The following A1CF variants were observed in gnomAD, a reference collection of about 807,000 sequenced individuals.
The protein encoded by A1CF is APOBEC1 complementation factor, also known as APOBEC-1 stimulating protein.
Under a neutral mutation model 68.9 loss-of-function variants are expected in A1CF, and 48 were observed. The ratio of observed to expected loss-of-function variants is 0.70; its 90% CI spans 0.55 to 0.89. The LOEUF (loss-of-function observed/expected upper bound fraction) is 0.89. Among genes scored for constraint, A1CF ranks in the 40% least tolerant of loss-of-function variants. The pLI is 0.00. For synonymous variants in A1CF, 272 were observed against 260.4 expected (o/e 1.04, Z -0.43); for missense variants, 653 against 718.9 (o/e 0.91, Z 1.05).
At chr10:50,819,566 G>C (rs151140916) in intron 8 of A1CF, among the ~76,000 whole-genome samples, 1 of 151,996 alleles carries the variant, frequency 6.6e-6, no homozygotes, top group African/African-American at 2.4e-5. Context: ...GTCCCCACTC[G>C]CACTTTTGTA....
At chr10:50,843,029 G>C (rs567018987) in intron 4 of A1CF, among the ~76,000 whole-genome samples, 14 of 152,284 alleles carry the variant, frequency 9.2e-5, no homozygotes, top group African/African-American at 2.9e-4. Flanking sequence ...CTTTAAGAAG[G>C]GTTGCCCAAA....
intron 1 of A1CF, among the ~76,000 whole-genome samples, chr10:50,875,485 A>C (rs905584235): frequency 1.6e-4 from 25 of 152,342 alleles, no homozygotes; most frequent in African/African-American, 6.0e-4. Flanking sequence ...AGGAGAAAGG[A>C]GCAGATGTAG....
At chr10:50,876,660 C>A (rs1240335078) in intron 1 of A1CF, among the ~76,000 whole-genome samples, 1 of 152,144 alleles carries the variant, frequency 6.6e-6, no homozygotes, top group Non-Finnish European at 1.5e-5. Flanking sequence ...GGAACTTACA[C>A]TATTGCTTTT....
In A1CF at chr10:50,809,252, G is replaced by A. The variant is rs78955301; in HGVS notation, c.1609+642C>T. Among the ~76,000 whole-genome samples, 647 of 152,278 alleles carry A rather than the reference G, an allele frequency of 4.2e-3. 1 individual carries two copies. Among genetic ancestry groups the A allele is most frequent in the Non-Finnish European group, 7.8e-3 (534 of 68,028 alleles). On this transcript the variant is annotated intron_variant, in intron 12 of 12. Coordinates refer to ENST00000373997, the MANE Select transcript of A1CF (RefSeq NM_014576.4). Reference sequence around the variant, plus strand: ...ACCAAAATTATAGAACAAATAAATTGAGTTGAGTCCTGATTATTCACATAT... The same window carrying A: ...ACCAAAATTATAGAACAAATAAATTAAGTTGAGTCCTGATTATTCACATAT...
intron 1 of A1CF, among the ~76,000 whole-genome samples, chr10:50,873,229 T>A (rs1338888040): frequency 6.6e-6 from 1 of 152,182 alleles, no homozygotes; most frequent in Non-Finnish European, 1.5e-5. Context: ...ATGCTGGGAT[T>A]ATAGGTGTGA....
At chr10:50,833,172 A>G (rs746238422) in intron 6 of A1CF, among the ~76,000 whole-genome samples, 3 of 152,198 alleles carry the variant, frequency 2.0e-5, no homozygotes, top group Non-Finnish European at 4.4e-5. Context: ...GGTAATTCCA[A>G]TGTGCAGCCT....
At chr10:50,816,427 G>T in intron 8 of A1CF, 148 bp from the exon 9 acceptor site, 3 of 961,040 alleles carry the variant, frequency 3.1e-6, no homozygotes, top group Middle Eastern at 3.3e-4. Flanking sequence ...GGTTTGTTTT[G>T]TATGCCAGTT....
intron 10 of A1CF, among the ~76,000 whole-genome samples, chr10:50,813,525 A>G (rs1021495629): frequency 1.3e-5 from 2 of 152,204 alleles, no homozygotes; most frequent in African/African-American, 4.8e-5. Context: ...TGGCTCACAT[A>G]CAATAGGCAT....
intron 1 of A1CF, among the ~76,000 whole-genome samples, chr10:50,882,845 G>A (rs1277829537): frequency 6.6e-6 from 1 of 152,132 alleles, no homozygotes; most frequent in African/African-American, 2.4e-5. Flanking sequence ...CTTTCTAAGG[G>A]ATGACAATTT....
chr10:50,826,664 C>T (rs567229991), intron 7 of A1CF, among the ~76,000 whole-genome samples: 15 of 152,216 alleles, frequency 9.9e-5, no homozygotes, highest in East Asian at 1.9e-4. Flanking sequence ...CCAGTACCAG[C>T]GACTGCAAAA....
At chr10:50,826,533 G>C (rs147421994) in intron 7 of A1CF, among the ~76,000 whole-genome samples, 2,457 of 152,190 alleles carry the variant, frequency 0.016, 69 homozygotes, top group African/African-American at 0.055. Flanking sequence ...GCCAAACTAA[G>C]CTTCATAAGC....
intron 1 of A1CF, among the ~76,000 whole-genome samples, chr10:50,873,237 T>G (rs1335062414): frequency 6.6e-6 from 1 of 152,154 alleles, no homozygotes; most frequent in Admixed American, 6.5e-5. Context: ...ATTATAGGTG[T>G]GAGCCACCTC....
chr10:50,826,812 G>C (rs1172619382), intron 7 of A1CF, among the ~76,000 whole-genome samples: 1 of 152,140 alleles, frequency 6.6e-6, no homozygotes, highest in Non-Finnish European at 1.5e-5. Flanking sequence ...TGGGCTAAAT[G>C]CTCCAATTAA....
chr10:50,851,883 T>C (rs922695528), intron 3 of A1CF, among the ~76,000 whole-genome samples: 1 of 152,238 alleles, frequency 6.6e-6, no homozygotes, highest in East Asian at 1.9e-4. Context: ...TACAAATTCA[T>C]GATTGCAAGG....
intron 6 of A1CF, among the ~76,000 whole-genome samples, chr10:50,835,372 C>T (rs1191716140): frequency 2.0e-5 from 3 of 152,050 alleles, no homozygotes; most frequent in South Asian, 2.1e-4. Context: ...CCAGTGTGTC[C>T]AGTCTGTCAT....
chr10:50,854,123 A>G (rs1407658815), intron 3 of A1CF, among the ~76,000 whole-genome samples: 1 of 151,770 alleles, frequency 6.6e-6, no homozygotes, highest in Non-Finnish European at 1.5e-5. Flanking sequence ...AATCTTTTCT[A>G]CCTTATGAGA....
rs1231119939 is a variant in A1CF at position 50,804,138 on chromosome 10, A to G, written c.*2591T>C. The G allele has an allele frequency of 8.5e-5, 13 of 152,176 alleles. No homozygotes were observed. The highest frequency in any genetic ancestry group is 7.2e-4 in the Admixed American group (11 of 15,286). 9.4% of individuals were successfully genotyped at this position (152,176 alleles called of 1,614,324 possible). ...ACTAAAACAAAGTAAAATTTTAGCA[A>G]AAAAACCAAAACCACTTCTACCTAC... On this transcript the variant is annotated 3_prime_UTR_variant, in exon 13 of 13. Transcript: ENST00000373997.
At chr10:50,878,136 G>GA (rs553911799) in intron 1 of A1CF, among the ~76,000 whole-genome samples, 2 of 150,074 alleles carry the variant, frequency 1.3e-5, no homozygotes, top group South Asian at 4.2e-4. Flanking sequence ...AGAAAAAAAA[G>GA]AAAAAAAGAG....
rs142285802 is a variant in A1CF, at chr10:50,824,949, C to A, written c.769+3182G>T. 5.6e-3 allele frequency among the ~76,000 whole-genome samples: 850 copies of A among 152,228 alleles called. 6 individuals carry two copies. The highest frequency in any genetic ancestry group is 0.019 in the African/African-American group (792 of 41,532). On this transcript the variant is annotated intron_variant, in intron 7 of 12. Transcript: ENST00000373997. ...AATGCTTGGCACACAGTAAGGTGGT[C>A]CATCATTTGCAGATTCTAGCTTAGT...
Sources: allele counts gnomAD v4.1 joint callset (sites outside exome capture counted in the v4.1 genomes callset), GRCh38; gene constraint gnomAD v4.1.1; transcripts MANE v1.5; gene names NCBI Gene and HGNC (gene_info 2026-07-23, HGNC 2026-07-21).